Variants in ARHGAP23 observed in about 807,000 individuals in gnomAD.
ARHGAP23 encodes the protein Rho GTPase activating protein 23.
In ARHGAP23, 34 loss-of-function variants were observed where a neutral mutation model predicts 136.3. The ratio of observed to expected loss-of-function variants is 0.25; its 90% CI spans 0.19 to 0.33. The LOEUF is 0.33. Among genes scored for constraint, ARHGAP23 ranks in the 10% least tolerant of loss-of-function variants. The pLI, the probability that ARHGAP23 is intolerant of heterozygous loss-of-function variation, is 1.00. For missense variants in ARHGAP23, 1,808 were observed against 2,139.0 expected, an observed-to-expected ratio of 0.85 and a Z score of 3.05; for synonymous variants, 832 against 920.5, an observed-to-expected ratio of 0.90 and a Z score of 1.74.
At chr17:38,454,535 C>T (rs1485163997) in intron 1 of ARHGAP23, among the ~76,000 whole-genome samples, 6 of 152,142 alleles carry the variant, frequency 3.9e-5, no homozygotes, top group African/African-American at 1.4e-4. Flanking sequence ...TGGAGCAGGG[C>T]CCACGACCCA....
At chr17:38,421,405 T>A (rs534808105) in intron 1 of ARHGAP23, among the ~76,000 whole-genome samples, 1 of 152,254 alleles carries the variant, frequency 6.6e-6, no homozygotes, top group African/African-American at 2.4e-5. Context: ...CCGAGGTGCC[T>A]AGGCTGATGT....
chr17:38,476,789 C>T (rs2039901791), intron 11 of ARHGAP23, among the ~76,000 whole-genome samples: 1 of 152,144 alleles, frequency 6.6e-6, no homozygotes, highest in Admixed American at 6.5e-5. Flanking sequence ...CTGTCCTGTG[C>T]ATTGTGCAAT....
chr17:38,499,020 C>T (rs2040460532), intron 22 of ARHGAP23: 7 of 698,952 alleles, frequency 1.0e-5, no homozygotes, highest in South Asian at 5.9e-5. Flanking sequence ...GCTGGGTGGG[C>T]ACAGCGGCAG....
intron 10 of ARHGAP23, among the ~76,000 whole-genome samples, chr17:38,470,957 C>CTTT (rs35409435): frequency 2.8e-5 from 4 of 143,002 alleles, no homozygotes; most frequent in African/African-American, 7.7e-5. Flanking sequence ...ATTTTTCTTT[C>CTTT]TTTTTTTTTT....
upstream of ARHGAP23, among the ~76,000 whole-genome samples, chr17:38,426,663 G>A (rs995573572): frequency 1.3e-5 from 2 of 152,036 alleles, no homozygotes; most frequent in Middle Eastern, 3.2e-3. Flanking sequence ...TTGATAAAAA[G>A]GGATGAGGAA....
intron 1 of ARHGAP23, among the ~76,000 whole-genome samples, chr17:38,435,005 C>G (rs1451969825): frequency 6.6e-6 from 1 of 152,210 alleles, no homozygotes; most frequent in Non-Finnish European, 1.5e-5. Flanking sequence ...TGAAAAGGGA[C>G]AGAAGGAGGA....
chr17:38,454,620 G>C (rs1471179737), intron 1 of ARHGAP23, among the ~76,000 whole-genome samples: 4 of 152,126 alleles, frequency 2.6e-5, no homozygotes, highest in Admixed American at 2.6e-4. Context: ...AGTGGCAGAC[G>C]GGCCCCTGCA....
chr17:38,461,048 T>C, intron 3 of ARHGAP23, 116 bp downstream of exon 3: 1 of 1,468,996 alleles, frequency 6.8e-7, no homozygotes, highest in Non-Finnish European at 9.0e-7. Flanking sequence ...CCTTGACTCC[T>C]GTTCCTGCCT....
Position 38,439,465 on chromosome 17 carries a change from C to T in ARHGAP23, c.63+10917C>T, listed in dbSNP as rs532033258. 4.6e-4 allele frequency among the ~76,000 whole-genome samples: 70 copies of T among 152,284 alleles called. 2 individuals are homozygous for T. The South Asian group carries it at 5.2e-3, about 11-fold the overall frequency. On this transcript the variant is annotated intron_variant, in intron 1 of 23. Transcript: ENST00000622683. The stretch of plus-strand genomic sequence containing the variant: ...TCTAGGCCAGGCCCTGTTGAGTGAA[C>T]GCTGCTGACTGATGAATTGAGTGTT...
intron 11 of ARHGAP23, among the ~76,000 whole-genome samples, chr17:38,475,894 C>T (rs1380494802): frequency 2.0e-5 from 3 of 151,922 alleles, no homozygotes; most frequent in South Asian, 2.1e-4. Flanking sequence ...GAGGAGGTGA[C>T]GTTGGTGATG....
chr17:38,450,785 A>G (rs1193973058), intron 1 of ARHGAP23: 1 of 152,258 alleles, frequency 6.6e-6, no homozygotes, highest in Non-Finnish European at 1.5e-5. Flanking sequence ...AAATGAGAAC[A>G]AGTGAAAGTG....
chr17:38,496,147 C>T (rs1294888029), intron 20 of ARHGAP23, among the ~76,000 whole-genome samples: 1 of 152,174 alleles, frequency 6.6e-6, no homozygotes, highest in Non-Finnish European at 1.5e-5. Flanking sequence ...ATCCGCCCGC[C>T]TCAGCCTCCC....
At position 38,469,579 on chromosome 17, in the gene ARHGAP23, C is replaced by T. The variant is rs1337166405; in HGVS notation, c.1860C>T (p.Arg620=). The T allele has an allele frequency of 1.3e-6, 2 of 1,548,628 alleles. No individual in the cohort carries two copies. The highest frequency in any genetic ancestry group is 2.7e-5 in the African/African-American group (2 of 72,970). Residue 620 remains arginine, a synonymous_variant, in exon 9 of 24, where the codon CGC becomes CGT. Coordinates refer to ENST00000622683, the MANE Select transcript of ARHGAP23 (RefSeq NM_001199417.2). ...ACCTGCTGGCCATCACCACGGAGCGCTCCAAGTCCTGCGATGATGGACTCA... is the reference window on the plus strand; with the variant it reads ...ACCTGCTGGCCATCACCACGGAGCGTTCCAAGTCCTGCGATGATGGACTCA... The part of the protein sequence containing the change: ...SSYLLAITTE[R]SKSCDDGLNT...
At chr17:38,497,638 T>C in intron 20 of ARHGAP23, 147 bp from the exon 21 acceptor site, 6 of 765,386 alleles carry the variant, frequency 7.8e-6, no homozygotes, top group Non-Finnish European at 1.3e-5. Context: ...AAGCTCCCTC[T>C]GAGCCCTCTT....
At chr17:38,499,738 C>G (rs2040479831) in intron 22 of ARHGAP23, among the ~76,000 whole-genome samples, 1 of 152,150 alleles carries the variant, frequency 6.6e-6, no homozygotes, top group East Asian at 1.9e-4. Flanking sequence ...GGGAGGGGTC[C>G]GGAGAGGGGG....
rs150449196 is a variant in ARHGAP23, at chr17:38,497,119, A to G, written c.3277-666A>G. On this transcript the variant is annotated intron_variant, in intron 20 of 23. Transcript: ENST00000622683. The stretch of plus-strand genomic sequence containing the variant: ...TGTGATACGTGTTCATTTATAAGCA[A>G]TCTGGATTTTTTTTTTCAGAAAACT... 6.8e-3 allele frequency among the ~76,000 whole-genome samples: 1,030 copies of G among 152,270 alleles called. 16 individuals are homozygous for G. The highest frequency in any genetic ancestry group is 0.024 in the African/African-American group (986 of 41,552).
intron 22 of ARHGAP23, among the ~76,000 whole-genome samples, chr17:38,499,172 C>T (rs1465901584): frequency 6.6e-6 from 1 of 152,228 alleles, no homozygotes; most frequent in Non-Finnish European, 1.5e-5. Flanking sequence ...GCCCAGGGCC[C>T]TCCCCGTTGC....
At position 38,466,840 on chromosome 17, in the gene ARHGAP23, C is replaced by T. The variant is rs1435307028; in HGVS notation, c.1157C>T (p.Ser386Phe). The T allele has an allele frequency of 1.3e-6, 2 of 1,548,736 alleles. No individual in the cohort carries two copies. The highest frequency in any genetic ancestry group is 1.7e-6 in the Non-Finnish European group (2 of 1,146,524). ...ERCGWASQRSSARTPACPTRD... is the reference protein window; with the variant it reads ...ERCGWASQRSFARTPACPTRD... ...TGTGGCTGGGCTTCCCAGCGTTCGTCTGCCCGCACCCCCGCCTGCCCAACT... is the reference window on the plus strand; with the variant it reads ...TGTGGCTGGGCTTCCCAGCGTTCGTTTGCCCGCACCCCCGCCTGCCCAACT... Residue 386 changes from serine (S) to phenylalanine (F), a missense_variant, in exon 7 of 24, where the codon TCT (serine) becomes TTT (phenylalanine). Ser to Phe is a radical substitution (Grantham distance 155). This residue lies in a region of ARHGAP23 where 859 missense variants were observed against 936.4 expected (regional missense o/e 0.92). Transcript: ENST00000622683.
chr17:38,491,117 A>C (rs1297624408), intron 19 of ARHGAP23, among the ~76,000 whole-genome samples: 1 of 152,108 alleles, frequency 6.6e-6, no homozygotes, highest in African/African-American at 2.4e-5. Context: ...TGGGACCTCC[A>C]ACATGTTTCC....
Sources: allele counts gnomAD v4.1 joint callset (sites outside exome capture counted in the v4.1 genomes callset), GRCh38; gene constraint gnomAD v4.1.1; regional missense constraint gnomAD v4.1.1; transcripts MANE v1.5; gene names NCBI Gene and HGNC (gene_info 2026-07-23, HGNC 2026-07-21).